EML4: variants seen among roughly 807,000 people sequenced by gnomAD.
The protein encoded by EML4 is EMAP like 4.
In EML4, 72 loss-of-function variants were observed where a neutral mutation model predicts 129.0. The observed-to-expected ratio is 0.56, with a 90% confidence interval of 0.46 to 0.68. The LOEUF (loss-of-function observed/expected upper bound fraction) is 0.68, where lower values mean the gene tolerates loss of function less well. EML4 is among the 30% of genes least tolerant of loss of function. The pLI is 0.00. For missense variants in EML4, 1,363 were observed against 1,190.6 expected (o/e 1.14, Z -2.13); for synonymous variants, 532 against 405.0 (o/e 1.31, Z -3.77).
At chr2:42,245,119 G>C (rs1675313037) in intron 1 of EML4, among the ~76,000 whole-genome samples, 1 of 12,024 alleles carries the variant, frequency 8.3e-5, no homozygotes, top group African/African-American at 3.9e-4. Context: ...TTTTGAGACA[G>C]ACTCTTGCTC....
At chr2:42,298,785 A>G (rs1421931302) in intron 13 of EML4, among the ~76,000 whole-genome samples, 1 of 152,152 alleles carries the variant, frequency 6.6e-6, no homozygotes, top group African/African-American at 2.4e-5. Flanking sequence ...AAGCAGACTT[A>G]AGCATAGAAA....
chr2:42,325,926 G>A (rs1215299968), intron 20 of EML4: 1 of 171,710 alleles, frequency 5.8e-6, no homozygotes, highest in African/African-American at 2.4e-5. Context: ...ATGATAGATG[G>A]GCATTTATGC....
intron 1 of EML4, among the ~76,000 whole-genome samples, chr2:42,227,805 A>T (rs1674071438): frequency 6.6e-6 from 1 of 152,216 alleles, no homozygotes; most frequent in African/African-American, 2.4e-5. Flanking sequence ...TTTTTAACAT[A>T]TCACCTTATA....
At chr2:42,316,080 A>G (rs1434569182) in intron 18 of EML4, 30 bp downstream of exon 18, 2 of 1,500,138 alleles carry the variant, frequency 1.3e-6, no homozygotes, top group African/African-American at 1.4e-5. Flanking sequence ...CCTCCCAAGC[A>G]TGGCATTCAC....
intron 1 of EML4, among the ~76,000 whole-genome samples, chr2:42,227,379 T>A (rs540236669): frequency 6.6e-6 from 1 of 152,216 alleles, no homozygotes; most frequent in Non-Finnish European, 1.5e-5. Context: ...AGTGCTGGGA[T>A]TACTGGCATG....
Position 42,245,589 on chromosome 2 carries a change from A to T in EML4, c.110A>T (p.Glu37Val), listed in dbSNP as rs1253302984. The change falls in exon 2 of 23, where the codon GAA becomes GTA. Residue 37 changes from glutamate (E) to valine (V), a missense_variant. Coordinates refer to ENST00000318522, the MANE Select transcript of EML4 (RefSeq NM_019063.5). The stretch of plus-strand genomic sequence containing the variant: ...TCACGAGTTCAGCAACAAGAAGATG[A>T]AATCACTGTGCTAAAGGCGGCTTTG... ...LESRVQQQED[E>V]ITVLKAALAD... 1.2e-6 allele frequency: 2 copies of T among 1,613,826 alleles called. No individual in the cohort carries two copies. Among genetic ancestry groups the T allele is most frequent in the Admixed American group, 3.3e-5 (2 of 59,994 alleles).
At chr2:42,172,340 G>A (rs759742431) in intron 1 of EML4, among the ~76,000 whole-genome samples, 3 of 152,164 alleles carry the variant, frequency 2.0e-5, no homozygotes, top group Non-Finnish European at 4.4e-5. Context: ...TGCATGTTTA[G>A]ATAAGAAATC....
intron 1 of EML4, among the ~76,000 whole-genome samples, chr2:42,236,556 A>T (rs1057370685): frequency 2.6e-5 from 4 of 152,194 alleles, no homozygotes; most frequent in African/African-American, 9.6e-5. Context: ...TTGTGTTACA[A>T]AGGCACATCT....
chr2:42,181,413 C>T (rs962793905), intron 1 of EML4, among the ~76,000 whole-genome samples: 2 of 152,164 alleles, frequency 1.3e-5, no homozygotes, highest in African/African-American at 4.8e-5. Flanking sequence ...ATTCTCCTGC[C>T]TCAGCCTCCT....
At chr2:42,188,044 CTGA>C (rs1390168403) in intron 1 of EML4, among the ~76,000 whole-genome samples, 1 of 152,168 alleles carries the variant, frequency 6.6e-6, no homozygotes, top group Non-Finnish European at 1.5e-5. Flanking sequence ...TATTTGCACA[CTGA>C]TGATTTTTGT....
At chr2:42,248,055 C>G (rs112283057) in intron 2 of EML4, among the ~76,000 whole-genome samples, 1 of 152,020 alleles carries the variant, frequency 6.6e-6, no homozygotes. Flanking sequence ...TCACTGTAAC[C>G]TCAAACTGCT....
chr2:42,271,330 A>G (rs1300140464), intron 6 of EML4, among the ~76,000 whole-genome samples: 5 of 152,244 alleles, frequency 3.3e-5, no homozygotes, highest in Admixed American at 3.3e-4. Flanking sequence ...ACTGCCAAGG[A>G]CAGCAGGCCC....
chr2:42,211,968 C>T (rs1672911253), intron 1 of EML4, among the ~76,000 whole-genome samples: 1 of 152,090 alleles, frequency 6.6e-6, no homozygotes, highest in Non-Finnish European at 1.5e-5. Flanking sequence ...CGTCAGCCCC[C>T]CAAGTAGCTA....
At chr2:42,231,733 A>C (rs748347315) in intron 1 of EML4, among the ~76,000 whole-genome samples, 4 of 152,186 alleles carry the variant, frequency 2.6e-5, no homozygotes, top group Non-Finnish European at 4.4e-5. Flanking sequence ...GTGGATCACG[A>C]GGTCAGGAGA....
At chr2:42,227,736 A>C (rs1292137276) in intron 1 of EML4, among the ~76,000 whole-genome samples, 1 of 152,230 alleles carries the variant, frequency 6.6e-6, no homozygotes, top group Non-Finnish European at 1.5e-5. Context: ...AGCAAAGCTG[A>C]AGACTTTTAT....
At chr2:42,269,815 C>T (rs1666269331) in intron 6 of EML4, among the ~76,000 whole-genome samples, 2 of 152,156 alleles carry the variant, frequency 1.3e-5, no homozygotes, top group Non-Finnish European at 2.9e-5. Context: ...TTAGCAATTA[C>T]ATTTATAAAA....
intron 2 of EML4, among the ~76,000 whole-genome samples, chr2:42,255,154 C>T (rs1027995025): frequency 2.5e-4 from 38 of 151,926 alleles, no homozygotes; most frequent in African/African-American, 8.7e-4. Flanking sequence ...GGTGCGATCC[C>T]CACTAACTGC....
intron 1 of EML4, among the ~76,000 whole-genome samples, chr2:42,221,865 A>C (rs1673626843): frequency 6.6e-6 from 1 of 152,082 alleles, no homozygotes; most frequent in South Asian, 2.1e-4. Context: ...CAGCCTCCCA[A>C]AGTGCTGGGA....
intron 6 of EML4, among the ~76,000 whole-genome samples, chr2:42,267,699 C>G (rs1486397595): frequency 6.6e-6 from 1 of 152,092 alleles, no homozygotes; most frequent in Admixed American, 6.5e-5. Flanking sequence ...GAGATGTACG[C>G]AGGGCAATCT....
Sources: allele counts gnomAD v4.1 joint callset (sites outside exome capture counted in the v4.1 genomes callset), GRCh38; gene constraint gnomAD v4.1.1; transcripts MANE v1.5; gene names NCBI Gene and HGNC (gene_info 2026-07-23, HGNC 2026-07-21).